The following MET variants were observed in gnomAD, a reference collection of about 807,000 sequenced individuals.
MET encodes MET proto-oncogene, receptor tyrosine kinase.
A neutral mutation model predicts 133.1 loss-of-function variants in MET; 48 were observed. The ratio of observed to expected loss-of-function variants is 0.36; its 90% CI spans 0.29 to 0.46. The LOEUF is 0.46. Ranked by LOEUF, MET falls within the 20% of genes least tolerant of loss-of-function variation. MET has a pLI of 1.00. For synonymous variants in MET, 628 were observed against 616.5 expected (o/e 1.02, Z -0.28); for missense variants, 1,442 against 1,695.9 (o/e 0.85, Z 2.63).
Position 116,760,655 on chromosome 7 carries a change from T to C in MET, c.2364+1165T>C. Among the ~76,000 whole-genome samples the C allele has an allele frequency of 1.3e-5, 2 of 152,202 alleles. 1 individual carries two copies. Among genetic ancestry groups the C allele is most frequent in the Non-Finnish European group, 2.9e-5 (2 of 68,030 alleles). ...TTCTTGAAGACTAAAGCCACAATGT[T>C]CTTTAATTACAAAAACCAATTTGGG... On this transcript the variant is annotated intron_variant, in intron 10 of 20. Coordinates refer to ENST00000397752, the MANE Select transcript of MET (RefSeq NM_000245.4).
At chr7:116,683,220 C>T (rs1796426462) in intron 1 of MET, among the ~76,000 whole-genome samples, 1 of 152,174 alleles carries the variant, frequency 6.6e-6, no homozygotes, top group Non-Finnish European at 1.5e-5. Flanking sequence ...TCCTCTGCCC[C>T]CTCAAGTAGA....
chr7:116,758,417 C>T (rs1230201999), intron 8 of MET, 42 bp from the exon 9 acceptor site: 1 of 1,573,370 alleles, frequency 6.4e-7, no homozygotes, highest in South Asian at 1.1e-5. Context: ...ATATGTGTAT[C>T]TCTAATAGCT....
rs1176548903 is a variant in MET, at chr7:116,779,492, G to A, written c.3522+535G>A. The stretch of plus-strand genomic sequence containing the variant: ...GGCCGTAATGCCATCTTCAACATAA[G>A]CCTTCCCTAATCTGTTTAAAATTGC... On this transcript the variant is annotated intron_variant, in intron 17 of 20. Coordinates refer to ENST00000397752, the MANE Select transcript of MET (RefSeq NM_000245.4). Among the ~76,000 whole-genome samples, 9 of 152,036 alleles carry A rather than the reference G, an allele frequency of 5.9e-5. No individual in the cohort carries two copies. The East Asian group carries it at 7.7e-4, about 13-fold the overall frequency.
intron 2 of MET, among the ~76,000 whole-genome samples, chr7:116,709,499 G>A (rs1264329868): frequency 6.6e-6 from 1 of 152,176 alleles, no homozygotes; most frequent in Non-Finnish European, 1.5e-5. Context: ...AAATACAGGT[G>A]TAAAAAGATG....
chr7:116,687,637 C>CTGACTAA (rs1256949694), intron 1 of MET, among the ~76,000 whole-genome samples: 2 of 152,150 alleles, frequency 1.3e-5, no homozygotes, highest in Non-Finnish European at 2.9e-5. Flanking sequence ...AAGAAAATGT[C>CTGACTAA]ATATACTGAC....
intron 1 of MET, among the ~76,000 whole-genome samples, chr7:116,681,903 T>C (rs1003739705): frequency 6.6e-6 from 1 of 152,052 alleles, no homozygotes; most frequent in African/African-American, 2.4e-5. Flanking sequence ...GTAATTTGTA[T>C]TATGTAAAGA....
intron 2 of MET, chr7:116,724,946 A>G (rs1562899184): frequency 1.2e-5 from 12 of 1,006,290 alleles, no homozygotes; most frequent in East Asian, 6.1e-5. Flanking sequence ...TGTCTAACAC[A>G]TTGTAAACAC....
At position 116,700,321 on chromosome 7, in the gene MET, G is replaced by T. The variant is rs764487179; in HGVS notation, c.1200+37G>T. ...CAGTTCCCCACTTATAAACTGTGAG[G>T]TATAAATTAGAAATAAGTATCAGTC... On this transcript the variant is annotated intron_variant, in intron 2 of 20. Coordinates refer to ENST00000397752, the MANE Select transcript of MET (RefSeq NM_000245.4). 2.8e-5 allele frequency: 45 copies of T among 1,580,974 alleles called. 1 individual carries two copies. The South Asian group carries it at 4.4e-4, about 15-fold the overall frequency.
At chr7:116,780,399 A>G (rs1029693386) in intron 17 of MET, among the ~76,000 whole-genome samples, 2 of 152,330 alleles carry the variant, frequency 1.3e-5, no homozygotes, top group African/African-American at 4.8e-5. Flanking sequence ...CCAAAAGAAT[A>G]AAACATTCCC....
chr7:116,720,043 T>A (rs1792417202), intron 2 of MET, among the ~76,000 whole-genome samples: 1 of 152,184 alleles, frequency 6.6e-6, no homozygotes, highest in East Asian at 1.9e-4. Flanking sequence ...ATTGGTAGCT[T>A]TATGGGGATG....
chr7:116,738,750 T>C (rs1793332323), intron 3 of MET, among the ~76,000 whole-genome samples: 1 of 152,220 alleles, frequency 6.6e-6, no homozygotes, highest in Admixed American at 6.5e-5. Context: ...TTGGCTCCTT[T>C]GTTATGCTGA....
At chr7:116,790,357 GC>G (rs1332512223) in intron 19 of MET, among the ~76,000 whole-genome samples, 1 of 152,168 alleles carries the variant, frequency 6.6e-6, no homozygotes, top group Non-Finnish European at 1.5e-5. Context: ...GTGGAATCAT[GC>G]AGTATTTGTC....
At chr7:116,725,495 C>T (rs1283118901) in intron 2 of MET, among the ~76,000 whole-genome samples, 2 of 149,578 alleles carry the variant, frequency 1.3e-5, no homozygotes, top group Non-Finnish European at 3.0e-5. Context: ...TACACACACA[C>T]AAAAGAATTA....
At chr7:116,753,342 T>C (rs111914725) in intron 5 of MET, among the ~76,000 whole-genome samples, 2,263 of 152,324 alleles carry the variant, frequency 0.015, 31 homozygotes, top group Non-Finnish European at 0.02. Flanking sequence ...CAATTTACAA[T>C]ATGTCCCCAC....
intron 19 of MET, among the ~76,000 whole-genome samples, chr7:116,786,672 C>T (rs1795323401): frequency 6.6e-6 from 1 of 152,172 alleles, no homozygotes; most frequent in Admixed American, 6.5e-5. Flanking sequence ...TTATTCTATT[C>T]ACATGTTGTA....
At chr7:116,717,587 G>C (rs919896979) in intron 2 of MET, among the ~76,000 whole-genome samples, 1 of 152,152 alleles carries the variant, frequency 6.6e-6, no homozygotes, top group African/African-American at 2.4e-5. Flanking sequence ...TATGAATAAA[G>C]TATATATTCA....
intron 15 of MET, 69 bp from the exon 16 acceptor site, chr7:116,777,320 G>A (rs1020979562): frequency 2.3e-6 from 3 of 1,279,378 alleles, no homozygotes; most frequent in African/African-American, 1.5e-5. Context: ...AGCTCATAAA[G>A]GGTTTGATAA....
chr7:116,719,457 A>G (rs1409375032), intron 2 of MET, among the ~76,000 whole-genome samples: 3 of 152,206 alleles, frequency 2.0e-5, no homozygotes, highest in South Asian at 2.1e-4. Context: ...CACTCTGATG[A>G]TAGTTTCTTT....
rs1795733281 is a variant in MET at position 116,798,118 on chromosome 7, A to G, written c.*1994A>G. 1.4e-5 allele frequency: 3 copies of G among 220,716 alleles called. No individual in the cohort carries two copies. Among genetic ancestry groups the G allele is most frequent in the African/African-American group, 2.2e-5 (1 of 44,626 alleles). The allele number at this position is 220,716 out of a possible 1,614,324, so 13.7% of individuals were successfully genotyped here. ...CAGGGTCAAGAGCATGAACGCATCA[A>G]TAGAAAGAACTCGGGGAAACATCCC... On this transcript the variant is annotated 3_prime_UTR_variant, in exon 21 of 21. Coordinates refer to ENST00000397752, the MANE Select transcript of MET (RefSeq NM_000245.4).
Sources: allele counts gnomAD v4.1 joint callset (sites outside exome capture counted in the v4.1 genomes callset), GRCh38; gene constraint gnomAD v4.1.1; transcripts MANE v1.5; gene names NCBI Gene and HGNC (gene_info 2026-07-23, HGNC 2026-07-21).